The following PRDM12 variants were observed in gnomAD, a reference collection of about 807,000 sequenced individuals.
PRDM12 encodes the protein PR/SET domain 12, also known as PR domain zinc finger protein 12.
In PRDM12, 17 loss-of-function variants were observed where a neutral mutation model predicts 29.6. The observed-to-expected ratio is 0.57, with a 90% CI of 0.39 to 0.86. The LOEUF (loss-of-function observed/expected upper bound fraction) is 0.86. Among genes scored for constraint, PRDM12 ranks in the 40% least tolerant of loss-of-function variants. The probability of loss-of-function intolerance (pLI) is 0.00; values close to 1 mark genes in which losing one functional copy is unlikely to be tolerated. For synonymous variants in PRDM12, 231 were observed against 225.8 expected (o/e 1.02, Z -0.21); for missense variants, 422 against 510.8 (o/e 0.83, Z 1.68).
Position 130,681,223 on chromosome 9 carries a change from C to T in PRDM12, c.683-25C>T, listed in dbSNP as rs745371069. The T allele has an allele frequency of 1.0e-5, 14 of 1,406,796 alleles. No homozygotes were observed. Among genetic ancestry groups the T allele is most frequent in the Non-Finnish European group, 1.1e-5 (12 of 1,074,762 alleles). 87.1% of individuals were successfully genotyped at this position (1,406,796 alleles called of 1,614,324 possible). On this transcript the variant is annotated intron_variant, in intron 4 of 4. Transcript: ENST00000253008. This position sits in a 1 kb window ranked among gnomAD's most constrained non-coding sequence, Gnocchi z 8.1. Reference sequence around the variant, plus strand: ...TCTCCCCTTCTCCGTCTCCCTTCCCCCGCCCCGCCCCGCCCCGCGGCCAGA... The same window carrying T: ...TCTCCCCTTCTCCGTCTCCCTTCCCTCGCCCCGCCCCGCCCCGCGGCCAGA...
At chr9:130,677,194 G>A (rs1203631676) in intron 3 of PRDM12, among the ~76,000 whole-genome samples, 1 of 152,218 alleles carries the variant, frequency 6.6e-6, no homozygotes, top group African/African-American at 2.4e-5. Context: ...CAAAGTGCTA[G>A]GATTACAGGC....
Position 130,681,931 on chromosome 9 carries a change from TGCCTGGCCTCGC to T in PRDM12, c.*263_*274del. ...CGCCTCCTCTGGGAGGGGGTCCCCC[TGCCTGGCCTCGC>T]CCCCGAGTCTCCCTGCTGCTGTAGA... On this transcript the variant is annotated 3_prime_UTR_variant, in exon 5 of 5. Transcript: ENST00000253008. The surrounding 1 kb of genome is among the most constrained non-coding windows in gnomAD (Gnocchi z 8.1). 1.1e-5 allele frequency: 2 copies of T among 184,794 alleles called. No individual in the cohort carries two copies. Among genetic ancestry groups the T allele is most frequent in the Non-Finnish European group, 2.0e-5 (2 of 98,048 alleles). The allele number at this position is 184,794 out of a possible 1,614,324, so 11.4% of individuals were successfully genotyped here.
chr9:130,670,991 T>A (rs1195096043), intron 3 of PRDM12, among the ~76,000 whole-genome samples: 1 of 151,996 alleles, frequency 6.6e-6, no homozygotes, highest in East Asian at 1.9e-4. Context: ...CAGGGAAGCA[T>A]TTGAGTTTAT....
chr9:130,668,434 C>A lies in PRDM12; in HGVS notation c.570+121C>A, dbSNP rs527970891. On this transcript the variant is annotated intron_variant, in intron 3 of 4. Transcript: ENST00000253008. This position sits in a 1 kb window ranked among gnomAD's most constrained non-coding sequence, Gnocchi z 4.0. ...CAGAGGGGAGCTGACACTGGCCTCG[C>A]TGGCTCTGCGCAGGCCATGGGGCTG... The A allele has an allele frequency of 6.7e-7, 1 of 1,484,268 alleles. No individual in the cohort carries two copies. Among genetic ancestry groups the A allele is most frequent in the Non-Finnish European group, 9.2e-7 (1 of 1,088,042 alleles). 91.9% of individuals were successfully genotyped at this position (1,484,268 alleles called of 1,614,324 possible).
intron 1 of PRDM12, among the ~76,000 whole-genome samples, chr9:130,665,396 T>C (rs1309770533): frequency 6.6e-6 from 1 of 152,124 alleles, no homozygotes; most frequent in Non-Finnish European, 1.5e-5. Flanking sequence ...TTCTTTTCTT[T>C]AAGATGTCTC....
intron 3 of PRDM12, among the ~76,000 whole-genome samples, chr9:130,675,956 C>T (rs1003438023): frequency 4.6e-5 from 7 of 152,130 alleles, no homozygotes; most frequent in Non-Finnish European, 7.4e-5. Flanking sequence ...ACTCAGGGAC[C>T]GTGTTCCCTC....
rs768697426 is a variant in PRDM12, at chr9:130,666,818, G to A, written c.414+20G>A. ...TGGGAGGTACGCGCGGGCTGGGGCA[G>A]AGGGGCGCAAGGGCCGGCGAGGGGC... On this transcript the variant is annotated intron_variant, in intron 2 of 4. Transcript: ENST00000253008. The A allele has an allele frequency of 1.9e-6, 3 of 1,574,508 alleles. No individual in the cohort carries two copies. The highest frequency in any genetic ancestry group is 2.3e-5 in the South Asian group (2 of 87,718).
At position 130,680,633 on chromosome 9, in the gene PRDM12, AAATATATATATATAT is replaced by A. The variant is rs1296147102; in HGVS notation, c.683-613_683-599del. 9.9e-3 allele frequency among the ~76,000 whole-genome samples: 854 copies of A among 86,616 alleles called. 9 individuals carry two copies. The highest frequency in any genetic ancestry group is 0.039 in the Middle Eastern group (7 of 178). The allele number at this position is 86,616 out of a possible 152,430, so 56.8% of individuals were successfully genotyped here. On this transcript the variant is annotated intron_variant, in intron 4 of 4. Coordinates refer to ENST00000253008, the MANE Select transcript of PRDM12 (RefSeq NM_021619.3). Reference sequence around the variant, plus strand: ...GAGGGAGACTCCGTCTAAAAAAAAAAAATATATATATATATATATATATATATTTTTTTTTTTTTT... The same window carrying A: ...GAGGGAGACTCCGTCTAAAAAAAAAAATATATATATATTTTTTTTTTTTTT...
intron 3 of PRDM12, among the ~76,000 whole-genome samples, chr9:130,670,899 G>A (rs1356148415): frequency 2.0e-5 from 3 of 152,134 alleles, no homozygotes; most frequent in Non-Finnish European, 4.4e-5. Context: ...AGGTCACACT[G>A]GCTAGAAGCC....
chr9:130,675,605 C>G (rs554777158), intron 3 of PRDM12, among the ~76,000 whole-genome samples: 155 of 152,342 alleles, frequency 1.0e-3, no homozygotes, highest in African/African-American at 3.5e-3. Flanking sequence ...ACTGGCGCTT[C>G]CATGTCTCGA....
At position 130,681,373 on chromosome 9, in the gene PRDM12, C is replaced by G; in HGVS notation, c.808C>G (p.Pro270Ala). The G allele has an allele frequency of 1.3e-6, 2 of 1,592,968 alleles. No individual in the cohort carries two copies. The highest frequency in any genetic ancestry group is 1.7e-6 in the Non-Finnish European group (2 of 1,171,476). The stretch of plus-strand genomic sequence containing the variant: ...CATGCGCATCCACACGCTGGACAAG[C>G]CCTTCGTGTGCCGCTTCTGCAACCG... ...SHMRIHTLDKPFVCRFCNRRF... is the reference protein window; with the variant it reads ...SHMRIHTLDKAFVCRFCNRRF... The change falls in exon 5 of 5, where the codon CCC (proline) becomes GCC (alanine). Residue 270 changes from proline to alanine, a missense_variant. This residue lies in a region of PRDM12 where 28 missense variants were observed against 18.3 expected (regional missense o/e 1.53). Coordinates refer to ENST00000253008, the MANE Select transcript of PRDM12 (RefSeq NM_021619.3). This position sits in a 1 kb window ranked among gnomAD's most constrained non-coding sequence, Gnocchi z 8.1.
At position 130,668,293 on chromosome 9, in the gene PRDM12, A is replaced by G. The variant is rs777152722; in HGVS notation, c.550A>G (p.Ile184Val). The stretch of plus-strand genomic sequence containing the variant: ...GGAGGTGGTCCAGATCGGCACCAGC[A>G]TCTTCTACAAGGCCATTGAGGTGTG... ...NLEVVQIGTSIFYKAIEMIPP... is the reference protein window; with the variant it reads ...NLEVVQIGTSVFYKAIEMIPP... Residue 184 changes from isoleucine (I) to valine (V), a missense_variant, in exon 3 of 5, where the codon ATC (isoleucine) becomes GTC (valine). Physicochemically the swap from Ile to Val is conservative, Grantham distance 29. Around this residue, in one of 5 missense-constraint regions of PRDM12, gnomAD observed 300 missense variants for 350.0 expected, o/e 0.86. Transcript: ENST00000253008. This position sits in a 1 kb window ranked among gnomAD's most constrained non-coding sequence, Gnocchi z 4.0. The G allele has an allele frequency of 3.1e-6, 5 of 1,613,992 alleles. No homozygotes were observed. The highest frequency in any genetic ancestry group is 3.3e-5 in the Admixed American group (2 of 60,024).
intron 2 of PRDM12, among the ~76,000 whole-genome samples, chr9:130,667,141 C>A (rs74534910): frequency 2.0e-5 from 3 of 152,242 alleles, no homozygotes; most frequent in African/African-American, 7.2e-5. Context: ...GGCCTCTTCC[C>A]AGCCACTTAC....
intron 2 of PRDM12, among the ~76,000 whole-genome samples, chr9:130,667,284 G>T (rs1224414903): frequency 1.3e-5 from 2 of 152,220 alleles, no homozygotes; most frequent in Non-Finnish European, 2.9e-5. Flanking sequence ...GGCTGAGGTG[G>T]CATTGAGTCA....
rs767914415 is a variant in PRDM12, at chr9:130,664,646, G to A, written c.-8G>A. On this transcript the variant is annotated 5_prime_UTR_variant, in exon 1 of 5. Transcript: ENST00000253008. The surrounding 1 kb of genome is among the most constrained non-coding windows in gnomAD (Gnocchi z 6.4). ...CGTCCCCCGGCGCCGGGGAGCTCCG[G>A]GCCGCCCATGATGGGCTCCGTGCTC... The A allele has an allele frequency of 1.3e-6, 2 of 1,561,562 alleles. No homozygotes were observed. The highest frequency in any genetic ancestry group is 2.7e-5 in the African/African-American group (2 of 73,368).
chr9:130,669,459 G>A (rs1438890653), intron 3 of PRDM12, among the ~76,000 whole-genome samples: 2 of 150,568 alleles, frequency 1.3e-5, no homozygotes, highest in Non-Finnish European at 3.0e-5. Flanking sequence ...GGAGGCAGAG[G>A]TTGCAGTGAG....
At chr9:130,665,012 G>T in intron 1 of PRDM12, 136 bp downstream of exon 1, 1 of 882,936 alleles carries the variant, frequency 1.1e-6, no homozygotes, top group Non-Finnish European at 1.7e-6. Flanking sequence ...CCGGCGCTCG[G>T]TGCACCTCAG....
chr9:130,678,431 G>C (rs984887407), intron 3 of PRDM12, 98 bp from the exon 4 acceptor site: 33 of 823,382 alleles, frequency 4.0e-5, no homozygotes, highest in Non-Finnish European at 6.0e-5. Flanking sequence ...GCTGAGACTG[G>C]GTCCGGGTCT....
At chr9:130,679,207 A>G (rs1251924019) in intron 4 of PRDM12, among the ~76,000 whole-genome samples, 1 of 152,230 alleles carries the variant, frequency 6.6e-6, no homozygotes, top group East Asian at 1.9e-4. Flanking sequence ...TGCCCATCAC[A>G]GCAGAGACCA....
Sources: allele counts gnomAD v4.1 joint callset (sites outside exome capture counted in the v4.1 genomes callset), GRCh38; gene constraint gnomAD v4.1.1; regional missense constraint gnomAD v4.1.1; non-coding constraint Gnocchi (gnomAD v3.1); transcripts MANE v1.5; gene names NCBI Gene and HGNC (gene_info 2026-07-23, HGNC 2026-07-21).